The following TECTA variants were observed in gnomAD, a reference collection of about 807,000 sequenced individuals.
The protein encoded by TECTA is tectorin alpha, also known as alpha-tectorin.
In TECTA, 128 loss-of-function variants were observed where a neutral mutation model predicts 216.8. That is an observed-to-expected ratio of 0.59 (90% CI 0.51 to 0.68). The LOEUF (loss-of-function observed/expected upper bound fraction) is 0.68, where lower values mean the gene tolerates loss of function less well. Among genes scored for constraint, TECTA ranks in the 30% least tolerant of loss-of-function variants. The pLI, the probability that TECTA is intolerant of heterozygous loss-of-function variation, is 0.00. For missense variants in TECTA, 2,551 were observed against 2,786.2 expected, an observed-to-expected ratio of 0.92 and a Z score of 1.90; for synonymous variants, 1,089 against 1,117.1, an observed-to-expected ratio of 0.97 and a Z score of 0.50.
At chr11:121,150,892 C>T (rs538160453) in intron 12 of TECTA, among the ~76,000 whole-genome samples, 3 of 152,238 alleles carry the variant, frequency 2.0e-5, no homozygotes, top group Non-Finnish European at 2.9e-5. Flanking sequence ...GATCCACCTG[C>T]CTCGGCCTCC....
chr11:121,102,856 T>C (rs1378357251), intron 2 of TECTA, 127 bp downstream of exon 2: 1 of 826,632 alleles, frequency 1.2e-6, no homozygotes, highest in East Asian at 2.4e-5. Context: ...GAGAAAAATG[T>C]AATTAAATTC....
chr11:121,171,386 G>C (rs1408078169), intron 20 of TECTA, among the ~76,000 whole-genome samples: 2 of 152,076 alleles, frequency 1.3e-5, no homozygotes, highest in African/African-American at 4.8e-5. Flanking sequence ...TCTTTTTAGT[G>C]AGTATTGCTT....
chr11:121,148,433 G>A (rs1591454414), intron 12 of TECTA, among the ~76,000 whole-genome samples: 3 of 152,216 alleles, frequency 2.0e-5, no homozygotes, highest in South Asian at 4.2e-4. Context: ...GATGGTATGG[G>A]GGTCAGGCTG....
At chr11:121,130,977 G>A (rs1323388257) in intron 10 of TECTA, among the ~76,000 whole-genome samples, 1 of 152,078 alleles carries the variant, frequency 6.6e-6, no homozygotes, top group African/African-American at 2.4e-5. Context: ...CACTTTGGGA[G>A]GCAAAGGCAG....
At chr11:121,184,660 C>T (rs1354247946) in intron 20 of TECTA, among the ~76,000 whole-genome samples, 3 of 152,224 alleles carry the variant, frequency 2.0e-5, no homozygotes, top group Non-Finnish European at 4.4e-5. Context: ...ACAGCGCTCA[C>T]TCAAGGTCAC....
Position 121,137,192 on chromosome 11 carries a change from A to T in TECTA, c.2942-229A>T, listed in dbSNP as rs534597577. ...CAGATGTGTGCACACACAGGCACTCATACGTACACACACGCACTCGCACAC... is the reference window on the plus strand; with the variant it reads ...CAGATGTGTGCACACACAGGCACTCTTACGTACACACACGCACTCGCACAC... On this transcript the variant is annotated intron_variant, in intron 10 of 23. Transcript: ENST00000392793. Among the ~76,000 whole-genome samples the T allele has an allele frequency of 2.0e-5, 3 of 152,196 alleles. No homozygotes were observed. In the East Asian group the frequency reaches 5.9e-4, roughly 30 times the overall value.
chr11:121,181,471 T>TATTATG (rs1459409701), intron 20 of TECTA, among the ~76,000 whole-genome samples: 1 of 151,014 alleles, frequency 6.6e-6, no homozygotes, highest in Non-Finnish European at 1.5e-5. Flanking sequence ...TTATTATTAT[T>TATTATG]ATGATTTTAT....
chr11:121,130,280 A>T (rs1946661380), intron 10 of TECTA, 69 bp downstream of exon 10: 2 of 1,550,476 alleles, frequency 1.3e-6, no homozygotes, highest in Admixed American at 3.4e-5. Context: ...GGCCTTACTC[A>T]GGACTTCCCT....
intron 20 of TECTA, among the ~76,000 whole-genome samples, chr11:121,176,623 C>A (rs1176867770): frequency 2.1e-5 from 3 of 145,774 alleles, no homozygotes; most frequent in African/African-American, 5.4e-5. Context: ...TCCTTCATTT[C>A]AACTTTGGTG....
At position 121,137,654 on chromosome 11, in the gene TECTA, A is replaced by C. The variant is rs1238229092; in HGVS notation, c.3175A>C (p.Ile1059Leu). 1 of 1,613,952 alleles carries C rather than the reference A, an allele frequency of 6.2e-7. No homozygotes were observed. The highest frequency in any genetic ancestry group is 1.7e-5 in the Admixed American group (1 of 60,004). ...ETFWVDLDCQ[I>L]FCYCSGTDNR... is the part of the protein sequence containing the mutation. ...CTTCTGGGTGGACCTGGACTGCCAG[A>C]TCTTCTGCTATTGCAGTGGCACAGA... Residue 1059 changes from isoleucine to leucine, a missense_variant, in exon 11 of 24, where the codon ATC (isoleucine) becomes CTC (leucine). Around this residue, in one of 3 missense-constraint regions of TECTA, gnomAD observed 2,375 missense variants for 2,563.9 expected, o/e 0.93. Coordinates refer to ENST00000392793, the MANE Select transcript of TECTA (RefSeq NM_005422.4).
rs1273445450 is a variant in TECTA, at chr11:121,160,279, G to A, written c.4834G>A (p.Glu1612Lys). The change falls in exon 15 of 24, where the codon GAG becomes AAG. Residue 1612 changes from glutamate (E) to lysine (K), a missense_variant. Around this residue, in one of 3 missense-constraint regions of TECTA, gnomAD observed 2,375 missense variants for 2,563.9 expected, o/e 0.93. Coordinates refer to ENST00000392793, the MANE Select transcript of TECTA (RefSeq NM_005422.4). ...CAACGTCATTAAAATCAGCATCAGCGAGAGGCTGCAGAACAAAGTGTGCGG... is the reference window on the plus strand; with the variant it reads ...CAACGTCATTAAAATCAGCATCAGCAAGAGGCTGCAGAACAAAGTGTGCGG... The part of the protein sequence containing the change: ...GFNVIKISIS[E>K]RLQNKVCGLC... 2.7e-5 allele frequency: 43 copies of A among 1,614,074 alleles called. No individual in the cohort carries two copies. Among genetic ancestry groups the A allele is most frequent in the African/African-American group, 1.3e-4 (10 of 74,918 alleles).
Position 121,153,096 on chromosome 11 carries a change from C to T in TECTA, c.4305+16C>T, listed in dbSNP as rs1429994933. 6.2e-7 allele frequency: 1 copy of T among 1,607,546 alleles called. No homozygotes were observed. Among genetic ancestry groups the T allele is most frequent in the East Asian group, 2.2e-5 (1 of 44,572 alleles). ...ATATTACGAGGTATGGGAGGCCAGCCCGGCCTTTTCCTCCTTGCCAATGAT... is the reference window on the plus strand; with the variant it reads ...ATATTACGAGGTATGGGAGGCCAGCTCGGCCTTTTCCTCCTTGCCAATGAT... On this transcript the variant is annotated intron_variant, in intron 13 of 23. Transcript: ENST00000392793.
At chr11:121,156,871 G>A (rs1946946659) in intron 13 of TECTA, among the ~76,000 whole-genome samples, 1 of 152,144 alleles carries the variant, frequency 6.6e-6, no homozygotes, top group Admixed American at 6.5e-5. Flanking sequence ...ACTCAAGATG[G>A]CACAGGTGGG....
At position 121,190,767 on chromosome 11, in the gene TECTA, A is replaced by T; in HGVS notation, c.6429A>T (p.Ser2143=). ...WTLLLIMIQI[S]LWHFVYKSGT... is the part of the protein sequence containing the mutation. ...TTCTTCTCATCATGATCCAGATTTC[A>T]TTATGGCATTTTGTCTATAAATCAG... Residue 2143 remains serine, a synonymous_variant, in exon 24 of 24, where the codon TCA becomes TCT. Coordinates refer to ENST00000392793, the MANE Select transcript of TECTA (RefSeq NM_005422.4). 1 of 1,613,922 alleles carries T rather than the reference A, an allele frequency of 6.2e-7. No homozygotes were observed. Among genetic ancestry groups the T allele is most frequent in the South Asian group, 1.1e-5 (1 of 91,066 alleles).
Position 121,113,552 on chromosome 11 carries a change from G to A in TECTA, c.625-1G>A, listed in dbSNP as rs999402604. 1 of 1,613,916 alleles carries A rather than the reference G, an allele frequency of 6.2e-7. No homozygotes were observed. The highest frequency in any genetic ancestry group is 8.5e-7 in the Non-Finnish European group (1 of 1,180,036). ...AATCTTGTCTTCCTTTTGTGCTGCA[G>A]GCAGGATTTAATGGTGGAAACCTCA... On this transcript the variant is annotated splice_acceptor_variant, in intron 5 of 23. Transcript: ENST00000392793. LOFTEE classifies it high-confidence loss of function. This position sits in a 1 kb window ranked among gnomAD's most constrained non-coding sequence, Gnocchi z 4.2.
intron 7 of TECTA, among the ~76,000 whole-genome samples, chr11:121,119,443 A>G (rs1316010720): frequency 1.3e-5 from 2 of 152,174 alleles, no homozygotes; most frequent in Non-Finnish European, 2.9e-5. Flanking sequence ...GATTCCTGTC[A>G]CTGTCCACCT....
intron 20 of TECTA, among the ~76,000 whole-genome samples, chr11:121,171,497 C>T (rs1947111924): frequency 6.6e-6 from 1 of 151,920 alleles, no homozygotes; most frequent in Non-Finnish European, 1.5e-5. Context: ...TGCATTTGAT[C>T]TGTGGGTTTT....
intron 11 of TECTA, among the ~76,000 whole-genome samples, chr11:121,139,063 A>G (rs553908194): frequency 1.3e-5 from 2 of 152,342 alleles, no homozygotes; most frequent in South Asian, 4.1e-4. Flanking sequence ...TCTCTGACAA[A>G]GAGAGATTCC....
chr11:121,120,383 C>T (rs779562584), intron 7 of TECTA, among the ~76,000 whole-genome samples: 16 of 152,218 alleles, frequency 1.1e-4, no homozygotes, highest in Non-Finnish European at 2.2e-4. Flanking sequence ...CAAATGGTTT[C>T]CAAGCGTCTC....
Sources: allele counts gnomAD v4.1 joint callset (sites outside exome capture counted in the v4.1 genomes callset), GRCh38; gene constraint gnomAD v4.1.1; regional missense constraint gnomAD v4.1.1; non-coding constraint Gnocchi (gnomAD v3.1); transcripts MANE v1.5; gene names NCBI Gene and HGNC (gene_info 2026-07-23, HGNC 2026-07-21).